Variants in ADAMTSL1 observed in about 807,000 individuals in gnomAD.
ADAMTSL1 encodes ADAMTS-like protein 1.
In ADAMTSL1, 126 loss-of-function variants were observed where a neutral mutation model predicts 201.8. The observed-to-expected ratio is 0.62, with a 90% CI of 0.54 to 0.72. The LOEUF is 0.72. Among genes scored for constraint, ADAMTSL1 ranks in the 30% least tolerant of loss-of-function variants. The pLI, the probability that ADAMTSL1 is intolerant of heterozygous loss-of-function variation, is 0.00. For missense variants in ADAMTSL1, 2,679 were observed against 2,277.8 expected, an observed-to-expected ratio of 1.18 and a Z score of -3.59; for synonymous variants, 1,121 against 903.4, an observed-to-expected ratio of 1.24 and a Z score of -4.32.
intron 2 of ADAMTSL1, among the ~76,000 whole-genome samples, chr9:18,318,722 A>AT (rs796368281): frequency 8.3e-4 from 123 of 147,476 alleles, no homozygotes; most frequent in African/African-American, 9.9e-4. Context: ...CTCGTAGCTA[A>AT]TTTTTTTTTT....
chr9:18,315,843 G>A (rs140687999), intron 2 of ADAMTSL1, among the ~76,000 whole-genome samples: 140 of 152,322 alleles, frequency 9.2e-4, no homozygotes, highest in African/African-American at 3.2e-3. Context: ...CCAAGGAGGC[G>A]CAGAGAGCGA....
chr9:18,653,477 T>C lies in ADAMTSL1; in HGVS notation c.835-4162T>C, dbSNP rs12345056. On this transcript the variant is annotated intron_variant, in intron 7 of 28. Coordinates refer to ENST00000380548, the MANE Select transcript of ADAMTSL1 (RefSeq NM_001040272.6). ...CAAGGGTTGTGGGCAGCATTAATCA[T>C]AACCCTGAGCTAGGTAGGTTGGGCA... 4.0e-3 allele frequency among the ~76,000 whole-genome samples: 612 copies of C among 152,286 alleles called. 5 individuals are homozygous for C. Among genetic ancestry groups the C allele is most frequent in the African/African-American group, 0.014 (587 of 41,548 alleles).
At chr9:18,244,329 CATT>C (rs2132463043) in intron 2 of ADAMTSL1, among the ~76,000 whole-genome samples, 1 of 152,170 alleles carries the variant, frequency 6.6e-6, no homozygotes, top group East Asian at 1.9e-4. Flanking sequence ...ATGTATAAAA[CATT>C]ATAGATTATT....
At chr9:18,830,023 C>T in intron 23 of ADAMTSL1, 46 bp downstream of exon 23, 1 of 1,563,792 alleles carries the variant, frequency 6.4e-7, no homozygotes, top group South Asian at 1.2e-5. Context: ...CAGGACTGGA[C>T]AGGATTTATG....
chr9:18,373,469 T>G (rs2133139981), intron 2 of ADAMTSL1, among the ~76,000 whole-genome samples: 1 of 152,300 alleles, frequency 6.6e-6, no homozygotes, highest in South Asian at 2.1e-4. Flanking sequence ...CTCCCTTTTT[T>G]TCTTCCTAAG....
At chr9:18,675,416 A>C (rs966482910) in intron 9 of ADAMTSL1, among the ~76,000 whole-genome samples, 2 of 152,210 alleles carry the variant, frequency 1.3e-5, no homozygotes, top group Admixed American at 6.5e-5. Context: ...CATATTCTCC[A>C]GCTTGAATAG....
chr9:18,740,837 A>T lies in ADAMTSL1; in HGVS notation c.2007-12461A>T, dbSNP rs574518331. Among the ~76,000 whole-genome samples, 4 of 152,236 alleles carry T rather than the reference A, an allele frequency of 2.6e-5. No individual in the cohort carries two copies. In the South Asian group the frequency reaches 8.3e-4, roughly 32 times the overall value. ...AAAGTCCCAGTTCCCTGAAGGCTTC[A>T]TGGAAGCATTCTTATACCTCATTCT... On this transcript the variant is annotated intron_variant, in intron 15 of 28. Transcript: ENST00000380548.
At chr9:18,868,319 T>C (rs1281440530) in intron 23 of ADAMTSL1, among the ~76,000 whole-genome samples, 3 of 152,226 alleles carry the variant, frequency 2.0e-5, no homozygotes, top group African/African-American at 7.2e-5. Context: ...CTGATTTTTG[T>C]CCTCATTATG....
At chr9:18,329,968 A>T (rs75905547) in intron 2 of ADAMTSL1, among the ~76,000 whole-genome samples, 2,683 of 152,314 alleles carry the variant, frequency 0.018, 43 homozygotes, top group African/African-American at 0.047. Flanking sequence ...TGTATATGTC[A>T]TATGTAATTC....
chr9:18,497,215 A>C (rs1822574929), intron 1 of ADAMTSL1, among the ~76,000 whole-genome samples: 2 of 152,242 alleles, frequency 1.3e-5, no homozygotes, highest in Non-Finnish European at 2.9e-5. Flanking sequence ...ATCAGGGTTT[A>C]AAATATCCCT....
intron 1 of ADAMTSL1, among the ~76,000 whole-genome samples, chr9:17,921,761 T>C (rs1224760507): frequency 4.6e-5 from 7 of 152,118 alleles, no homozygotes. Flanking sequence ...AGTACAAATG[T>C]CAGAATTTTT....
intron 2 of ADAMTSL1, among the ~76,000 whole-genome samples, chr9:18,324,920 A>G (rs1438440732): frequency 6.6e-6 from 1 of 152,196 alleles, no homozygotes; most frequent in Non-Finnish European, 1.5e-5. Flanking sequence ...AGGTAACCCA[A>G]TTTCTTAAGT....
intron 1 of ADAMTSL1, among the ~76,000 whole-genome samples, chr9:17,954,881 T>C (rs1044815982): frequency 6.6e-6 from 1 of 152,156 alleles, no homozygotes. Flanking sequence ...TTCAGCTATT[T>C]GAAGATGCTG....
At chr9:18,523,812 G>T in intron 2 of ADAMTSL1, among the ~76,000 whole-genome samples, 1 of 138,390 alleles carries the variant, frequency 7.2e-6, no homozygotes, top group East Asian at 2.1e-4. Context: ...TCTCTGTTTT[G>T]GTACCAGTAC....
intron 9 of ADAMTSL1, among the ~76,000 whole-genome samples, chr9:18,670,426 C>T (rs1829739914): frequency 6.6e-6 from 1 of 152,176 alleles, no homozygotes; most frequent in African/African-American, 2.4e-5. Flanking sequence ...CCTTTCTCTG[C>T]TCACATCAGC....
intron 1 of ADAMTSL1, among the ~76,000 whole-genome samples, chr9:18,480,423 A>G (rs1261939560): frequency 2.0e-5 from 3 of 152,182 alleles, no homozygotes; most frequent in Admixed American, 1.3e-4. Flanking sequence ...AAAAAACTTC[A>G]TGACTCTAAG....
At position 18,548,974 on chromosome 9, in the gene ADAMTSL1, T is replaced by C. The variant is rs139751024; in HGVS notation, c.237+15682T>C. On this transcript the variant is annotated intron_variant, in intron 3 of 28. Transcript: ENST00000380548. Reference sequence around the variant, plus strand: ...AAATATAGGCCAAAATTCCAAAATATATAATACAAAAGAGCCCTTAAGAGA... The same window carrying C: ...AAATATAGGCCAAAATTCCAAAATACATAATACAAAAGAGCCCTTAAGAGA... 5.7e-3 allele frequency among the ~76,000 whole-genome samples: 867 copies of C among 151,764 alleles called. 5 individuals are homozygous for C. Among genetic ancestry groups the C allele is most frequent in the African/African-American group, 0.02 (830 of 41,432 alleles).
intron 2 of ADAMTSL1, among the ~76,000 whole-genome samples, chr9:18,312,088 T>G (rs1035383828): frequency 2.6e-5 from 4 of 152,126 alleles, no homozygotes; most frequent in Admixed American, 6.5e-5. Flanking sequence ...CAATGACAAA[T>G]AGTTTAGTAT....
chr9:18,589,027 C>G (rs1444089131), intron 4 of ADAMTSL1, among the ~76,000 whole-genome samples: 2 of 151,142 alleles, frequency 1.3e-5, no homozygotes, highest in Non-Finnish European at 3.0e-5. Flanking sequence ...CAGGTGTCCA[C>G]TACCATGACT....
Sources: gnomAD v4.1 joint callset for allele counts (sites outside exome capture counted in the v4.1 genomes callset) on GRCh38, gnomAD v4.1.1 for gene constraint, MANE v1.5 for transcripts, NCBI Gene and HGNC (gene_info 2026-07-23, HGNC 2026-07-21) for gene names.